Variants in SHROOM3 observed in about 807,000 individuals in gnomAD.
SHROOM3 encodes protein Shroom3.
In SHROOM3, 47 loss-of-function variants were observed where a neutral mutation model predicts 138.6. The observed-to-expected ratio is 0.34, with a 90% CI of 0.27 to 0.43. The LOEUF (loss-of-function observed/expected upper bound fraction) is 0.43, where lower values mean the gene tolerates loss of function less well. SHROOM3 is among the 20% of genes least tolerant of loss of function. The probability of loss-of-function intolerance (pLI) is 1.00; values close to 1 mark genes in which losing one functional copy is unlikely to be tolerated. For synonymous variants in SHROOM3, 1,062 were observed against 1,063.3 expected, an observed-to-expected ratio of 1.00 and a Z score of 0.02; for missense variants, 2,491 against 2,596.5, an observed-to-expected ratio of 0.96 and a Z score of 0.88.
intron 2 of SHROOM3, chr4:76,586,349 C>CACCT (rs934259167): frequency 2.3e-5 from 23 of 985,734 alleles, no homozygotes; most frequent in Middle Eastern, 5.2e-4. Context: ...GCCTCTAGGC[C>CACCT]ACCTCCCCCA....
chr4:76,545,546 A>G (rs1733195928), intron 1 of SHROOM3, among the ~76,000 whole-genome samples: 2 of 152,258 alleles, frequency 1.3e-5, no homozygotes, highest in Admixed American at 1.3e-4. Flanking sequence ...TTTGACTTTA[A>G]GAAAATAACC....
chr4:76,503,177 A>ACACACACACACACG (rs1344915666), intron 1 of SHROOM3, among the ~76,000 whole-genome samples: 5 of 147,318 alleles, frequency 3.4e-5, no homozygotes, highest in African/African-American at 8.1e-5. Flanking sequence ...CCACACACAC[A>ACACACACACACACG]CACACACACA....
chr4:76,698,471 G>A (rs929455994), intron 2 of SHROOM3, among the ~76,000 whole-genome samples: 1 of 152,148 alleles, frequency 6.6e-6, no homozygotes, highest in African/African-American at 2.4e-5. Flanking sequence ...CCTTTAGGCA[G>A]GTCTAGGGCT....
intron 1 of SHROOM3, among the ~76,000 whole-genome samples, chr4:76,520,635 G>A (rs1279085458): frequency 6.6e-6 from 1 of 152,116 alleles, no homozygotes; most frequent in Non-Finnish European, 1.5e-5. Context: ...CCTTTGCTAG[G>A]TGACACTACT....
At chr4:76,608,756 G>C (rs867269291) in intron 2 of SHROOM3, among the ~76,000 whole-genome samples, 1 of 150,096 alleles carries the variant, frequency 6.7e-6, no homozygotes, top group South Asian at 2.1e-4. Context: ...CACAGTGTCA[G>C]GTTAGAAGGC....
At position 76,511,182 on chromosome 4, in the gene SHROOM3, C is replaced by CAAA. The variant is rs71659327; in HGVS notation, c.169-44424_169-44422dup. On this transcript the variant is annotated intron_variant, in intron 1 of 10. Coordinates refer to ENST00000296043, the MANE Select transcript of SHROOM3 (RefSeq NM_020859.4). ...GGGCAACAAGAGGGAAACTCCATCT[C>CAAA]AAAAATAATAATAATAATAATAATA... 3.0e-4 allele frequency among the ~76,000 whole-genome samples: 44 copies of CAAA among 148,204 alleles called. 1 individual carries two copies. Among genetic ancestry groups the CAAA allele is most frequent in the African/African-American group, 7.0e-4 (28 of 40,190 alleles).
At chr4:76,690,135 C>T (rs1359269328) in intron 2 of SHROOM3, among the ~76,000 whole-genome samples, 1 of 152,138 alleles carries the variant, frequency 6.6e-6, no homozygotes, top group Non-Finnish European at 1.5e-5. Context: ...TACCCCCAAC[C>T]CCCACTTGCT....
At chr4:76,469,600 G>A (rs997491853) in intron 1 of SHROOM3, among the ~76,000 whole-genome samples, 1 of 152,144 alleles carries the variant, frequency 6.6e-6, no homozygotes, top group Non-Finnish European at 1.5e-5. Flanking sequence ...GGGACGTCAG[G>A]TGCATGCTGC....
intron 1 of SHROOM3, among the ~76,000 whole-genome samples, chr4:76,483,037 T>C (rs1731650839): frequency 6.6e-6 from 1 of 152,006 alleles, no homozygotes; most frequent in Admixed American, 6.6e-5. Context: ...AACCTGAAAG[T>C]ATAAAAATCC....
At chr4:76,523,995 T>C (rs1022673938) in intron 1 of SHROOM3, among the ~76,000 whole-genome samples, 6 of 152,178 alleles carry the variant, frequency 3.9e-5, no homozygotes, top group African/African-American at 1.4e-4. Flanking sequence ...AAGTTTTGTG[T>C]GAGGGCTGGG....
At position 76,759,586 on chromosome 4, in the gene SHROOM3, C is replaced by G. The variant is rs781334705; in HGVS notation, c.5240C>G (p.Pro1747Arg). 1.9e-6 allele frequency: 3 copies of G among 1,614,150 alleles called. No homozygotes were observed. Among genetic ancestry groups the G allele is most frequent in the South Asian group, 2.2e-5 (2 of 91,070 alleles). Reference sequence around the variant, plus strand: ...GCAGTGAGCATGTTGGTTAACTGCCCTGCCTACTACAGTGTGTCTGCTCCC... The same window carrying G: ...GCAGTGAGCATGTTGGTTAACTGCCGTGCCTACTACAGTGTGTCTGCTCCC... ...KEAVSMLVNC[P>R]AYYSVSAPKA... The change falls in exon 9 of 11, where the codon CCT (proline) becomes CGT (arginine). Residue 1747 changes from proline to arginine, a missense_variant. Physicochemically the swap from Pro to Arg is moderately radical, Grantham distance 103. This residue lies in a region of SHROOM3 where 470 missense variants were observed against 595.0 expected (regional missense o/e 0.79). Transcript: ENST00000296043.
intron 2 of SHROOM3, among the ~76,000 whole-genome samples, chr4:76,567,993 C>G (rs759356995): frequency 9.9e-5 from 15 of 152,120 alleles, no homozygotes; most frequent in Non-Finnish European, 2.1e-4. Flanking sequence ...GCATCCCCTG[C>G]AGAGTCCATT....
chr4:76,552,844 T>G (rs1025776977), intron 1 of SHROOM3, among the ~76,000 whole-genome samples: 1 of 152,148 alleles, frequency 6.6e-6, no homozygotes, highest in Non-Finnish European at 1.5e-5. Flanking sequence ...GTTTTGTTTT[T>G]GTTTTCCCCT....
chr4:76,547,685 T>A (rs917786715), intron 1 of SHROOM3, among the ~76,000 whole-genome samples: 1 of 152,108 alleles, frequency 6.6e-6, no homozygotes, highest in Non-Finnish European at 1.5e-5. Context: ...ATCCTTGCAC[T>A]TTGGGAGGCT....
intron 10 of SHROOM3, among the ~76,000 whole-genome samples, chr4:76,777,811 A>G (rs1329218890): frequency 6.6e-6 from 1 of 152,168 alleles, no homozygotes; most frequent in Admixed American, 6.6e-5. Context: ...CATGTTGGAG[A>G]GAAAACCACA....
At chr4:76,563,663 A>G (rs1193955565) in intron 2 of SHROOM3, among the ~76,000 whole-genome samples, 1 of 152,244 alleles carries the variant, frequency 6.6e-6, no homozygotes, top group Admixed American at 6.5e-5. Context: ...TATGACATCA[A>G]AAGATAACTA....
chr4:76,597,786 A>ATC (rs377612548), intron 2 of SHROOM3, among the ~76,000 whole-genome samples: 24 of 152,356 alleles, frequency 1.6e-4, no homozygotes, highest in African/African-American at 5.3e-4. Context: ...GAGGAAGCAG[A>ATC]TCCCGTGTTG....
At chr4:76,437,548 G>C (rs1730587086) in intron 1 of SHROOM3, among the ~76,000 whole-genome samples, 1 of 152,082 alleles carries the variant, frequency 6.6e-6, no homozygotes, top group Admixed American at 6.6e-5. Flanking sequence ...CAGGTTTTTG[G>C]CTTTTTGTTT....
At chr4:76,478,773 A>G (rs967239938) in intron 1 of SHROOM3, among the ~76,000 whole-genome samples, 1 of 152,208 alleles carries the variant, frequency 6.6e-6, no homozygotes, top group Admixed American at 6.5e-5. Context: ...TGAAGCTTCC[A>G]GAGGAAGGAA....
Sources: allele counts gnomAD v4.1 joint callset (sites outside exome capture counted in the v4.1 genomes callset), GRCh38; gene constraint gnomAD v4.1.1; regional missense constraint gnomAD v4.1.1; transcripts MANE v1.5; gene names NCBI Gene and HGNC (gene_info 2026-07-23, HGNC 2026-07-21).